The following ADGRL4 variants were observed in gnomAD, a reference collection of about 807,000 sequenced individuals.
ADGRL4 encodes adhesion G protein-coupled receptor L4, also known as EGF, latrophilin and seven transmembrane domain containing 1.
ADGRL4 carries 90 observed loss-of-function variants against 74.8 expected under a neutral mutation model. The ratio of observed to expected loss-of-function variants is 1.20; its 90% confidence interval spans 1.02 to 1.43. The LOEUF is 1.43. Among genes scored for constraint, ADGRL4 ranks in the 40% most tolerant of loss-of-function variants. ADGRL4 has a pLI of 0.00. For missense variants in ADGRL4, 881 were observed against 814.3 expected, an observed-to-expected ratio of 1.08 and a Z score of -1.00; for synonymous variants, 311 against 279.2, an observed-to-expected ratio of 1.11 and a Z score of -1.14.
intron 2 of ADGRL4, among the ~76,000 whole-genome samples, chr1:78,971,263 G>C (rs1190897530): frequency 1.3e-5 from 2 of 152,064 alleles, no homozygotes; most frequent in African/African-American, 4.8e-5. Context: ...TCTGACAGCA[G>C]TTAGATATAC....
chr1:79,005,021 G>T (rs757577761), intron 2 of ADGRL4, 49 bp downstream of exon 2: 1 of 1,541,224 alleles, frequency 6.5e-7, no homozygotes, highest in Non-Finnish European at 8.8e-7. Flanking sequence ...AGTCCCATCA[G>T]AATTTAATCT....
chr1:78,910,097 G>C (rs1011093750), intron 12 of ADGRL4, among the ~76,000 whole-genome samples: 7 of 151,862 alleles, frequency 4.6e-5, no homozygotes, highest in African/African-American at 1.7e-4. Context: ...TAAGAAAAAT[G>C]TATTTATGGG....
At chr1:78,929,719 C>T (rs1225479314) in intron 7 of ADGRL4, among the ~76,000 whole-genome samples, 2 of 151,430 alleles carry the variant, frequency 1.3e-5, no homozygotes, top group African/African-American at 2.5e-5. Flanking sequence ...GAGAAAAACA[C>T]ATTTTCTTAC....
intron 3 of ADGRL4, among the ~76,000 whole-genome samples, chr1:78,945,395 A>C (rs1406021972): frequency 6.6e-6 from 1 of 151,836 alleles, no homozygotes; most frequent in Non-Finnish European, 1.5e-5. Context: ...TTAATTTTGT[A>C]GATTACCAAT....
chr1:78,982,888 T>A (rs938930619), intron 2 of ADGRL4, among the ~76,000 whole-genome samples: 1 of 151,678 alleles, frequency 6.6e-6, no homozygotes, highest in Non-Finnish European at 1.5e-5. Flanking sequence ...ACTGAAAAAA[T>A]TGTCTAAAGT....
At chr1:78,935,984 C>T (rs1271585229) in intron 7 of ADGRL4, among the ~76,000 whole-genome samples, 1 of 79,350 alleles carries the variant, frequency 1.3e-5, no homozygotes, top group African/African-American at 4.0e-5. Flanking sequence ...ATTAGCCGGG[C>T]GTGATGGCGG....
At position 79,005,714 on chromosome 1, in the gene ADGRL4, C is replaced by T. The variant is rs1570284844; in HGVS notation, c.23-495G>A. Among the ~76,000 whole-genome samples, 6 of 152,132 alleles carry T rather than the reference C, an allele frequency of 3.9e-5. No individual in the cohort carries two copies. In the South Asian group the frequency reaches 1.2e-3, roughly 31 times the overall value. ...TTATCTAGGAGAACAGATGCACTTG[C>T]TGTTTTTTTCTGTGTTCTAATGATT... On this transcript the variant is annotated intron_variant, in intron 1 of 14. Coordinates refer to ENST00000370742, the MANE Select transcript of ADGRL4 (RefSeq NM_022159.4).
At chr1:78,893,058 C>CAA (rs10640737) in intron 13 of ADGRL4, 40 bp downstream of exon 13, 121,745 of 830,632 alleles carry the variant, frequency 0.15, 3,119 homozygotes, top group Admixed American at 0.2. Flanking sequence ...TTTTAATTAC[C>CAA]AAAAAAAAAA....
At chr1:78,988,146 A>G (rs1650534758) in intron 2 of ADGRL4, among the ~76,000 whole-genome samples, 1 of 151,882 alleles carries the variant, frequency 6.6e-6, no homozygotes, top group African/African-American at 2.4e-5. Context: ...AAGTAATGAA[A>G]AACAAATGTT....
rs1408051839 is a variant in ADGRL4 at position 78,938,281 on chromosome 1, T to A, written c.397-2A>T. On this transcript the variant is annotated splice_acceptor_variant, in intron 4 of 14. Coordinates refer to ENST00000370742, the MANE Select transcript of ADGRL4 (RefSeq NM_022159.4). LOFTEE classifies it high-confidence loss of function. ...CACAGGTTCTTTTATGGATCTGATC[T>A]GAGAAAAAATGAGTCCAGAAAAAGG... The A allele has an allele frequency of 4.5e-6, 7 of 1,553,784 alleles. No homozygotes were observed. The highest frequency in any genetic ancestry group is 6.0e-6 in the Non-Finnish European group (7 of 1,158,184).
chr1:78,946,482 T>C, intron 2 of ADGRL4, 56 bp from the exon 3 acceptor site: 1 of 1,439,690 alleles, frequency 6.9e-7, no homozygotes, highest in Non-Finnish European at 9.4e-7. Context: ...AAATTTTGAC[T>C]ATTTTCCATC....
intron 12 of ADGRL4, among the ~76,000 whole-genome samples, chr1:78,914,088 T>A (rs1200199774): frequency 6.6e-6 from 1 of 151,846 alleles, no homozygotes; most frequent in Non-Finnish European, 1.5e-5. Flanking sequence ...TTGTTCTCCC[T>A]CAGAAGGAAT....
chr1:78,907,201 T>C (rs1648662307), intron 12 of ADGRL4, among the ~76,000 whole-genome samples: 1 of 152,048 alleles, frequency 6.6e-6, no homozygotes, highest in Non-Finnish European at 1.5e-5. Context: ...ATAGTAATGA[T>C]TTTCTAAGAA....
intron 2 of ADGRL4, among the ~76,000 whole-genome samples, chr1:78,956,493 A>G (rs1649832188): frequency 6.6e-6 from 1 of 152,144 alleles, no homozygotes; most frequent in Non-Finnish European, 1.5e-5. Context: ...GAAAAACAGT[A>G]TTTGTCTAGT....
intron 12 of ADGRL4, among the ~76,000 whole-genome samples, chr1:78,898,666 A>G (rs1648451137): frequency 6.6e-6 from 1 of 152,102 alleles, no homozygotes. Context: ...AGCTGTGAAG[A>G]AAAAAAGTCA....
intron 7 of ADGRL4, among the ~76,000 whole-genome samples, chr1:78,928,130 G>A (rs1649157615): frequency 6.6e-6 from 1 of 151,546 alleles, no homozygotes; most frequent in Non-Finnish European, 1.5e-5. Context: ...GGCATCTCAG[G>A]AGTTGTAGTA....
Position 78,936,431 on chromosome 1 carries a change from A to T in ADGRL4, c.761-20T>A, listed in dbSNP as rs1366368940. 1 of 1,547,914 alleles carries T rather than the reference A, an allele frequency of 6.5e-7. No homozygotes were observed. Among genetic ancestry groups the T allele is most frequent in the Non-Finnish European group, 8.7e-7 (1 of 1,147,980 alleles). ...TGAGAGCTGAAACAAAACCATGAAA[A>T]TAAAAAAAGTGAAATTACTTTAATC... On this transcript the variant is annotated intron_variant, in intron 6 of 14. Transcript: ENST00000370742.
chr1:78,950,266 A>C (rs76231479), intron 2 of ADGRL4, among the ~76,000 whole-genome samples: 10,856 of 152,184 alleles, frequency 0.071, 603 homozygotes, highest in East Asian at 0.33. Context: ...AGTTTACCTA[A>C]ATGCCTGGAG....
At chr1:78,951,751 G>T (rs1012583260) in intron 2 of ADGRL4, among the ~76,000 whole-genome samples, 1 of 152,214 alleles carries the variant, frequency 6.6e-6, no homozygotes, top group African/African-American at 2.4e-5. Context: ...CGTAGAAAGA[G>T]AATCTGGTAG....
Sources: gnomAD v4.1 joint callset for allele counts (sites outside exome capture counted in the v4.1 genomes callset) on GRCh38, gnomAD v4.1.1 for gene constraint, MANE v1.5 for transcripts, NCBI Gene and HGNC (gene_info 2026-07-23, HGNC 2026-07-21) for gene names.